The following ANKFN1 variants were observed in gnomAD, a reference collection of about 807,000 sequenced individuals.
ANKFN1 encodes the protein ankyrin repeat and fibronectin type III domain containing 1.
Under a neutral mutation model 108.7 loss-of-function variants are expected in ANKFN1, and 74 were observed. The observed-to-expected ratio is 0.68, with a 90% CI of 0.56 to 0.83. ANKFN1 has a LOEUF of 0.83. Among genes scored for constraint, ANKFN1 ranks in the 40% least tolerant of loss-of-function variants. The pLI, the probability that ANKFN1 is intolerant of heterozygous loss-of-function variation, is 0.00. For missense variants in ANKFN1, 1,505 were observed against 1,382.3 expected, an observed-to-expected ratio of 1.09 and a Z score of -1.41; for synonymous variants, 547 against 516.2, an observed-to-expected ratio of 1.06 and a Z score of -0.81.
chr17:56,236,650 A>G (rs533028289), intron 3 of ANKFN1, among the ~76,000 whole-genome samples: 47 of 152,260 alleles, frequency 3.1e-4, no homozygotes, highest in African/African-American at 1.0e-3. Context: ...GGGTAGTTTG[A>G]CTTCCTCTCC....
intron 3 of ANKFN1, among the ~76,000 whole-genome samples, chr17:56,279,009 G>A (rs1388382153): frequency 6.6e-6 from 1 of 152,154 alleles, no homozygotes; most frequent in African/African-American, 2.4e-5. Flanking sequence ...TTTGCTGGAA[G>A]CATTTTAATA....
intron 5 of ANKFN1, among the ~76,000 whole-genome samples, chr17:56,353,270 C>G (rs1430377093): frequency 6.6e-6 from 1 of 151,086 alleles, no homozygotes; most frequent in Non-Finnish European, 1.5e-5. Flanking sequence ...GCGTCTCTCT[C>G]CGTTGTGCAG....
At chr17:56,375,744 A>G (rs2046929825) in intron 8 of ANKFN1, among the ~76,000 whole-genome samples, 1 of 152,194 alleles carries the variant, frequency 6.6e-6, no homozygotes. Context: ...TGTACTGCAG[A>G]GGTATTGTGA....
At chr17:56,337,429 C>T (rs1179911092) in intron 4 of ANKFN1, among the ~76,000 whole-genome samples, 1 of 151,862 alleles carries the variant, frequency 6.6e-6, no homozygotes, top group South Asian at 2.1e-4. Flanking sequence ...ACTAAAACAC[C>T]AAAAGCAATG....
intron 4 of ANKFN1, among the ~76,000 whole-genome samples, chr17:56,081,055 T>C (rs1255447852): frequency 6.6e-6 from 1 of 152,110 alleles, no homozygotes; most frequent in Non-Finnish European, 1.5e-5. Flanking sequence ...CCTGGCCCCT[T>C]GCCTCCTTTT....
chr17:56,510,734 T>A lies in ANKFN1; in HGVS notation c.2906T>A (p.Phe969Tyr). The A allele has an allele frequency of 6.5e-7, 1 of 1,536,056 alleles. No homozygotes were observed. The highest frequency in any genetic ancestry group is 8.7e-7 in the Non-Finnish European group (1 of 1,146,896). Residue 969 changes from phenylalanine to tyrosine, a missense_variant, in exon 21 of 21, where the codon TTT (phenylalanine) becomes TAT (tyrosine). By Grantham distance (22) the Phe-to-Tyr change is conservative. Transcript: ENST00000682825. Reference sequence around the variant, plus strand: ...AATCCCGATCACTCATGTGCCGAGTTTCTCCATAGCCTGACCCTCACGGGG... The same window carrying A: ...AATCCCGATCACTCATGTGCCGAGTATCTCCATAGCCTGACCCTCACGGGG... ...GPNPDHSCAE[F>Y]LHSLTLTGFT...
At chr17:56,169,833 G>A (rs777010440) in intron 1 of ANKFN1, among the ~76,000 whole-genome samples, 18 of 152,122 alleles carry the variant, frequency 1.2e-4, no homozygotes, top group Non-Finnish European at 2.6e-4. Flanking sequence ...CCCTAAAGGT[G>A]CTCCTGCTGG....
At chr17:56,055,584 T>TATATATATATATATAC (rs1904859928) in intron 4 of ANKFN1, among the ~76,000 whole-genome samples, 1 of 113,198 alleles carries the variant, frequency 8.8e-6, no homozygotes, top group Non-Finnish European at 1.7e-5. Flanking sequence ...TATATATATA[T>TATATATATATATATAC]ATATGTATAT....
intron 4 of ANKFN1, among the ~76,000 whole-genome samples, chr17:56,068,885 G>C (rs893759071): frequency 2.0e-5 from 3 of 152,034 alleles, no homozygotes; most frequent in Non-Finnish European, 4.4e-5. Flanking sequence ...CCTTTATCAC[G>C]TATGTATTTC....
intron 3 of ANKFN1, among the ~76,000 whole-genome samples, chr17:56,312,634 G>C (rs1335280306): frequency 6.6e-6 from 1 of 152,094 alleles, no homozygotes; most frequent in Non-Finnish European, 1.5e-5. Context: ...CTGCTGGAAA[G>C]GTCACTAGCT....
intron 1 of ANKFN1, among the ~76,000 whole-genome samples, chr17:56,181,564 G>A (rs529487402): frequency 3.9e-5 from 6 of 152,220 alleles, no homozygotes; most frequent in African/African-American, 1.4e-4. Flanking sequence ...GCTGGCTTTC[G>A]AGGATGAATT....
chr17:56,048,401 G>C (rs56406538), intron 4 of ANKFN1, among the ~76,000 whole-genome samples: 9,057 of 152,138 alleles, frequency 0.06, 400 homozygotes, highest in African/African-American at 0.12. Context: ...TCTGAAACGT[G>C]TTTCTATTTT....
chr17:56,306,195 C>A (rs2044819137), intron 3 of ANKFN1, among the ~76,000 whole-genome samples: 1 of 152,186 alleles, frequency 6.6e-6, no homozygotes, highest in Non-Finnish European at 1.5e-5. Flanking sequence ...TAAAAAACGT[C>A]TTGCTGAGAG....
At chr17:56,213,512 C>G (rs1915191569) in intron 2 of ANKFN1, among the ~76,000 whole-genome samples, 2 of 152,110 alleles carry the variant, frequency 1.3e-5, no homozygotes, top group Non-Finnish European at 2.9e-5. Flanking sequence ...AGTGTGGAAG[C>G]CTCCACCTCA....
intron 3 of ANKFN1, among the ~76,000 whole-genome samples, chr17:56,229,643 C>G (rs1367792162): frequency 7.6e-6 from 1 of 132,388 alleles, no homozygotes; most frequent in Non-Finnish European, 1.5e-5. Context: ...TTGAAAGCAC[C>G]CGTTACCTTT....
chr17:56,350,756 CTCT>C lies in ANKFN1; in HGVS notation c.189-5_189-3del. The C allele has an allele frequency of 6.2e-7, 1 of 1,612,674 alleles. No homozygotes were observed. The highest frequency in any genetic ancestry group is 8.5e-7 in the Non-Finnish European group (1 of 1,179,012). ...GTAAAAGATATAACATCGGACTTTC[CTCT>C]TCTTAGGAATTGTCGTGTGAAAATG... On this transcript the variant is annotated splice_region_variant and splice_polypyrimidine_tract_variant and intron_variant, in intron 4 of 20. Coordinates refer to ENST00000682825, the MANE Select transcript of ANKFN1 (RefSeq NM_001370326.1).
intron 8 of ANKFN1, among the ~76,000 whole-genome samples, chr17:56,398,645 T>G (rs1246443920): frequency 6.6e-6 from 1 of 152,178 alleles, no homozygotes; most frequent in Non-Finnish European, 1.5e-5. Context: ...ACAAGCTCTC[T>G]CTGGTGAAGA....
chr17:56,291,272 G>T (rs2044356169), intron 3 of ANKFN1, among the ~76,000 whole-genome samples: 1 of 152,088 alleles, frequency 6.6e-6, no homozygotes, highest in South Asian at 2.1e-4. Context: ...TTCCTTGTCT[G>T]GGATGGTATT....
intron 4 of ANKFN1, among the ~76,000 whole-genome samples, chr17:56,131,655 A>G (rs1907291151): frequency 6.6e-6 from 1 of 152,200 alleles, no homozygotes. Context: ...CGGATGTAGC[A>G]AGAATTCACC....
Sources: gnomAD v4.1 joint callset for allele counts (sites outside exome capture counted in the v4.1 genomes callset) on GRCh38, gnomAD v4.1.1 for gene constraint, MANE v1.5 for transcripts, NCBI Gene and HGNC (gene_info 2026-07-23, HGNC 2026-07-21) for gene names.